The following DPY19L3 variants were observed in gnomAD, a reference collection of about 807,000 sequenced individuals.
DPY19L3 encodes dpy-19 like C-mannosyltransferase 3.
DPY19L3 carries 51 observed loss-of-function variants against 92.3 expected under a neutral mutation model. That is an observed-to-expected ratio of 0.55 (90% CI 0.44 to 0.70). The LOEUF (loss-of-function observed/expected upper bound fraction) is 0.70, where lower values mean the gene tolerates loss of function less well. DPY19L3 is among the 30% of genes least tolerant of loss of function. DPY19L3 has a pLI of 0.00. For synonymous variants in DPY19L3, 309 were observed against 315.2 expected (o/e 0.98, Z 0.21); for missense variants, 706 against 855.9 (o/e 0.82, Z 2.18).
chr19:32,407,362 C>T (rs1968006679), intron 1 of DPY19L3, among the ~76,000 whole-genome samples: 1 of 148,594 alleles, frequency 6.7e-6, no homozygotes, highest in South Asian at 2.1e-4. Flanking sequence ...ATTCCTGAAG[C>T]TGCCAGTGTG....
At chr19:32,428,307 T>G (rs1968837755) in intron 3 of DPY19L3, among the ~76,000 whole-genome samples, 1 of 152,120 alleles carries the variant, frequency 6.6e-6, no homozygotes, top group African/African-American at 2.4e-5. Flanking sequence ...TTGTTCTTGT[T>G]TTTTTAAACA....
At chr19:32,428,210 G>A (rs1289147245) in intron 3 of DPY19L3, 1 of 152,184 alleles carries the variant, frequency 6.6e-6, no homozygotes, top group Non-Finnish European at 1.5e-5. Flanking sequence ...GACCTCAGGT[G>A]ATCTGCCCAC....
At position 32,485,582 on chromosome 19, in the gene DPY19L3, C is replaced by G. The variant is rs1334405083; in HGVS notation, c.*3342C>G. The G allele has an allele frequency of 6.6e-6, 1 of 152,160 alleles. No individual in the cohort carries two copies. Among genetic ancestry groups the G allele is most frequent in the Non-Finnish European group, 1.5e-5 (1 of 68,020 alleles). 9.4% of individuals were successfully genotyped at this position (152,160 alleles called of 1,614,324 possible). On this transcript the variant is annotated 3_prime_UTR_variant, in exon 19 of 19. Transcript: ENST00000392250. ...ATTTGAGTTCATCTTTGGCCAAAAC[C>G]TACCTGAATTAACATACAAAATATT...
intron 18 of DPY19L3, 143 bp downstream of exon 18, chr19:32,480,700 TACAG>T (rs1455908488): frequency 8.5e-7 from 1 of 1,182,396 alleles, no homozygotes; most frequent in Admixed American, 2.9e-5. Context: ...TCTTGCTTCC[TACAG>T]AAGCCCTCTC....
chr19:32,426,898 A>G (rs1186739653), intron 3 of DPY19L3, among the ~76,000 whole-genome samples: 1 of 152,248 alleles, frequency 6.6e-6, no homozygotes, highest in Admixed American at 6.5e-5. Context: ...AAAATGCATT[A>G]TCTGCAAAGG....
intron 16 of DPY19L3, among the ~76,000 whole-genome samples, chr19:32,474,734 G>T (rs1970455585): frequency 6.6e-6 from 1 of 152,120 alleles, no homozygotes; most frequent in African/African-American, 2.4e-5. Flanking sequence ...GGCATTACAG[G>T]CACCCACCAC....
intron 3 of DPY19L3, among the ~76,000 whole-genome samples, chr19:32,424,498 G>A (rs77055869): frequency 0.03 from 4,561 of 151,866 alleles, 231 homozygotes; most frequent in African/African-American, 0.1. Context: ...AGGCTTGGTG[G>A]CACACAGCTT....
At chr19:32,458,538 C>T in intron 12 of DPY19L3, 29 bp downstream of exon 12, 2 of 1,584,604 alleles carry the variant, frequency 1.3e-6, no homozygotes, top group South Asian at 1.2e-5. Context: ...ATCTAATGCT[C>T]TCCTTTAATG....
intron 16 of DPY19L3, among the ~76,000 whole-genome samples, chr19:32,471,713 C>G (rs1970363218): frequency 6.6e-6 from 1 of 152,104 alleles, no homozygotes; most frequent in Non-Finnish European, 1.5e-5. Flanking sequence ...GAGGGCTTCT[C>G]TGCTTTAAGG....
In DPY19L3 at chr19:32,467,845, A is replaced by T. The variant is rs996729126; in HGVS notation, c.1615-886A>T. The T allele has an allele frequency of 6.4e-5, 63 of 982,372 alleles. No homozygotes were observed. The African/African-American group carries it at 1.0e-3, about 16-fold the overall frequency. The allele number at this position is 982,372 out of a possible 1,614,324, so 60.9% of individuals were successfully genotyped here. A position where few individuals can be genotyped will look rare whatever the true frequency, so the allele number is the denominator to read the frequency against. The stretch of plus-strand genomic sequence containing the variant: ...TTAATTGTTGAATTAAATGGACTTA[A>T]GATATTAGATAAGTGGGTAATTCAG... On this transcript the variant is annotated intron_variant, in intron 15 of 18. Coordinates refer to ENST00000392250, the MANE Select transcript of DPY19L3 (RefSeq NM_001172774.2).
chr19:32,422,516 G>A (rs1214224578), intron 3 of DPY19L3, among the ~76,000 whole-genome samples: 1 of 152,020 alleles, frequency 6.6e-6, no homozygotes, highest in African/African-American at 2.4e-5. Flanking sequence ...AAAATGAAAG[G>A]AGATTGAATA....
intron 4 of DPY19L3, among the ~76,000 whole-genome samples, chr19:32,435,677 G>C (rs999085445): frequency 2.0e-5 from 3 of 152,224 alleles, no homozygotes; most frequent in African/African-American, 7.2e-5. Flanking sequence ...CCTCAGGGTA[G>C]TTTTAATTTG....
intron 15 of DPY19L3, chr19:32,467,995 C>T: frequency 1.0e-6 from 1 of 984,904 alleles, no homozygotes; most frequent in Non-Finnish European, 1.2e-6. Flanking sequence ...AAATATTATT[C>T]TCTTTCATTG....
chr19:32,458,165 A>C lies in DPY19L3; in HGVS notation c.1155A>C (p.Gly385=), dbSNP rs1969926056. ...FKFLKAKFGL[G]ATRDFDANLY... The stretch of plus-strand genomic sequence containing the variant: ...TTCTGAAGGCAAAATTTGGGCTTGG[A>C]GCAACAAGGTATAACTGAATTGAAA... The change falls in exon 11 of 19, where the codon GGA becomes GGC. Residue 385 remains glycine, a synonymous_variant. Transcript: ENST00000392250. 1.2e-6 allele frequency: 2 copies of C among 1,613,658 alleles called. No homozygotes were observed. The highest frequency in any genetic ancestry group is 1.7e-6 in the Non-Finnish European group (2 of 1,179,736).
At chr19:32,474,240 C>T (rs571087393) in intron 16 of DPY19L3, among the ~76,000 whole-genome samples, 33 of 152,366 alleles carry the variant, frequency 2.2e-4, no homozygotes, top group African/African-American at 7.7e-4. Flanking sequence ...ATAGATTACA[C>T]TTCTTTTAAA....
chr19:32,480,345 C>CT, intron 17 of DPY19L3, 54 bp from the exon 18 acceptor site: 1 of 1,562,922 alleles, frequency 6.4e-7, no homozygotes, highest in South Asian at 1.2e-5. Context: ...ACATAGTTAA[C>CT]TCCCTGGCAG....
chr19:32,417,506 A>G (rs961270359), intron 3 of DPY19L3, among the ~76,000 whole-genome samples: 2 of 152,158 alleles, frequency 1.3e-5, no homozygotes, highest in East Asian at 3.9e-4. Flanking sequence ...TTTTTAGTAG[A>G]GATGGGATTT....
intron 3 of DPY19L3, among the ~76,000 whole-genome samples, chr19:32,416,237 T>C (rs1015061785): frequency 2.0e-5 from 3 of 152,204 alleles, no homozygotes; most frequent in African/African-American, 7.2e-5. Context: ...TGTGTGGAAG[T>C]CTGTTGAGAG....
intron 3 of DPY19L3, among the ~76,000 whole-genome samples, chr19:32,423,902 A>G (rs1968666414): frequency 6.6e-6 from 1 of 151,632 alleles, no homozygotes; most frequent in African/African-American, 2.4e-5. Context: ...AGTCCCACCT[A>G]CTCGGGAGAC....
Sources: gnomAD v4.1 joint callset for allele counts (sites outside exome capture counted in the v4.1 genomes callset) on GRCh38, gnomAD v4.1.1 for gene constraint, MANE v1.5 for transcripts, NCBI Gene and HGNC (gene_info 2026-07-23, HGNC 2026-07-21) for gene names.